The following ARFGEF2 variants were observed in gnomAD, a reference collection of about 807,000 sequenced individuals.
The protein encoded by ARFGEF2 is ARF guanine nucleotide exchange factor 2.
Under a neutral mutation model 219.9 loss-of-function variants are expected in ARFGEF2, and 74 were observed. The ratio of observed to expected loss-of-function variants is 0.34; its 90% CI spans 0.28 to 0.41. The LOEUF is 0.41. Among genes scored for constraint, ARFGEF2 ranks in the 10% least tolerant of loss-of-function variants. ARFGEF2 has a pLI of 1.00. For missense variants in ARFGEF2, 1,743 were observed against 2,218.3 expected (o/e 0.79, Z 4.30); for synonymous variants, 733 against 799.2 (o/e 0.92, Z 1.40).
intron 3 of ARFGEF2, among the ~76,000 whole-genome samples, chr20:48,942,371 C>T (rs958691542): frequency 6.6e-6 from 1 of 151,314 alleles, no homozygotes; most frequent in African/African-American, 2.4e-5. Flanking sequence ...GCTGGTCTTA[C>T]ACTTCTGGCC....
chr20:48,924,072 C>T (rs1247542620), intron 1 of ARFGEF2, among the ~76,000 whole-genome samples: 4 of 152,182 alleles, frequency 2.6e-5, no homozygotes, highest in African/African-American at 9.7e-5. Flanking sequence ...AAGTGACCAT[C>T]TTTTTTAAGA....
rs6095396 is a variant in ARFGEF2, at chr20:49,010,633, G to T, written c.3757+229G>T. On this transcript the variant is annotated intron_variant, in intron 27 of 38. Coordinates refer to ENST00000371917, the MANE Select transcript of ARFGEF2 (RefSeq NM_006420.3). ...TGGCCTTTCCTGTTATCAGTCAGTT[G>T]GGGTCCAGCAGATAAACGTGAATGT... 0.62 allele frequency among the ~76,000 whole-genome samples: 94,401 copies of T among 152,066 alleles called. 29,386 individuals carry two copies. Among genetic ancestry groups the T allele is most frequent in the East Asian group, 0.66 (3,426 of 5,178 alleles).
intron 6 of ARFGEF2, among the ~76,000 whole-genome samples, chr20:48,959,327 A>G (rs963535473): frequency 6.6e-6 from 1 of 151,362 alleles, no homozygotes; most frequent in Non-Finnish European, 1.5e-5. Context: ...CTGGAAAGGA[A>G]CTTGGAAATA....
At position 49,021,256 on chromosome 20, in the gene ARFGEF2, T is replaced by A. The variant is rs536391363; in HGVS notation, c.4625-1795T>A. Among the ~76,000 whole-genome samples the A allele has an allele frequency of 1.8e-3, 279 of 152,100 alleles. 1 individual carries two copies. Among genetic ancestry groups the A allele is most frequent in the African/African-American group, 6.4e-3 (266 of 41,508 alleles). On this transcript the variant is annotated intron_variant, in intron 34 of 38. Transcript: ENST00000371917. Reference sequence around the variant, plus strand: ...ATCTCTAAGAAGAAAAAAAAAATTTTTTTTTTAATGAAAAAAATGAAAAAA... The same window carrying A: ...ATCTCTAAGAAGAAAAAAAAAATTTATTTTTTAATGAAAAAAATGAAAAAA...
intron 36 of ARFGEF2, among the ~76,000 whole-genome samples, chr20:49,027,931 C>T (rs186333437): frequency 3.3e-5 from 5 of 152,142 alleles, no homozygotes; most frequent in East Asian, 1.9e-4. Flanking sequence ...AATTTGAAAC[C>T]GGCCAGGGCC....
chr20:48,932,786 A>T (rs2090921187), intron 1 of ARFGEF2, among the ~76,000 whole-genome samples: 1 of 152,200 alleles, frequency 6.6e-6, no homozygotes, highest in Non-Finnish European at 1.5e-5. Flanking sequence ...ATATAGGGAC[A>T]AGAGTCAGTG....
At chr20:48,951,940 CATT>C (rs1568700199) in intron 4 of ARFGEF2, among the ~76,000 whole-genome samples, 1 of 152,054 alleles carries the variant, frequency 6.6e-6, no homozygotes. Context: ...AAAGTATTAA[CATT>C]ATGAGGGGAG....
rs747309006 is a variant in ARFGEF2 at position 48,988,272 on chromosome 20, T to C, written c.2277-32T>C. ...TTGTACCTTCCAAACCGCATCACCA[T>C]GAATATTGATGTCTCGAATTTTTTT... On this transcript the variant is annotated intron_variant, in intron 16 of 38. Coordinates refer to ENST00000371917, the MANE Select transcript of ARFGEF2 (RefSeq NM_006420.3). 1.5e-5 allele frequency: 23 copies of C among 1,540,728 alleles called. 1 individual carries two copies. The South Asian group carries it at 2.0e-4, about 13-fold the overall frequency.
At chr20:48,930,513 T>C (rs574069487) in intron 1 of ARFGEF2, among the ~76,000 whole-genome samples, 5 of 152,244 alleles carry the variant, frequency 3.3e-5, no homozygotes, top group Admixed American at 2.6e-4. Context: ...AGTAAGAGCA[T>C]GGGAAAGAGG....
intron 14 of ARFGEF2, among the ~76,000 whole-genome samples, chr20:48,979,808 G>A (rs1264877381): frequency 6.6e-6 from 1 of 152,144 alleles, no homozygotes; most frequent in East Asian, 1.9e-4. Flanking sequence ...ATTTCTGTGG[G>A]ATCGGTGGTG....
chr20:49,005,363 G>A (rs887524822), intron 26 of ARFGEF2, 142 bp downstream of exon 26: 16 of 1,059,046 alleles, frequency 1.5e-5, no homozygotes, highest in African/African-American at 6.4e-5. Context: ...GATTCACATC[G>A]ATTTTCCTTA....
chr20:48,942,473 GTTTTTTTTTTTTT>G (rs58144046), intron 3 of ARFGEF2, among the ~76,000 whole-genome samples: 13 of 73,516 alleles, frequency 1.8e-4, no homozygotes, highest in Admixed American at 1.6e-3. Flanking sequence ...TTCTTACTTG[GTTTTTTTTTTTTT>G]TTTTTTTTTT....
chr20:48,934,390 G>A (rs1306453973), intron 1 of ARFGEF2, among the ~76,000 whole-genome samples: 1 of 152,070 alleles, frequency 6.6e-6, no homozygotes, highest in Non-Finnish European at 1.5e-5. Context: ...GAACAAGCAG[G>A]TTTGTTACAT....
chr20:48,999,756 A>AT (rs1405369625), intron 25 of ARFGEF2, among the ~76,000 whole-genome samples: 1 of 151,240 alleles, frequency 6.6e-6, no homozygotes, highest in African/African-American at 2.4e-5. Flanking sequence ...TAAAAAAAAA[A>AT]AAAAAAAAAA....
intron 14 of ARFGEF2, 53 bp from the exon 15 acceptor site, chr20:48,984,676 T>A: frequency 6.2e-7 from 1 of 1,608,690 alleles, no homozygotes; most frequent in South Asian, 1.1e-5. Context: ...CAGCTTTTGC[T>A]ATCCTCCAGA....
rs148157520 is a variant in ARFGEF2, at chr20:48,966,095, T to A, written c.1059+72T>A. 261 of 1,584,180 alleles carry A rather than the reference T, an allele frequency of 1.6e-4. No individual in the cohort carries two copies. In the African/African-American group the frequency reaches 3.2e-3, roughly 20 times the overall value. On this transcript the variant is annotated intron_variant, in intron 8 of 38. Coordinates refer to ENST00000371917, the MANE Select transcript of ARFGEF2 (RefSeq NM_006420.3). ...TTCAAAAGATGCAGAATTAAGTCTT[T>A]CCTCAAAAGAAGCAACTAAAATAAG...
At chr20:48,980,901 A>AAT (rs1406122543) in intron 14 of ARFGEF2, among the ~76,000 whole-genome samples, 1 of 152,086 alleles carries the variant, frequency 6.6e-6, no homozygotes, top group Admixed American at 6.5e-5. Flanking sequence ...GGGTCTCCTG[A>AAT]ATATAGCACA....
At chr20:48,974,670 C>A (rs1355190019) in intron 12 of ARFGEF2, 96 bp from the exon 13 acceptor site, 16 of 928,442 alleles carry the variant, frequency 1.7e-5, no homozygotes, top group Admixed American at 1.2e-4. Context: ...TCAGTGATTT[C>A]TTTCTTAGCC....
intron 25 of ARFGEF2, among the ~76,000 whole-genome samples, chr20:49,002,016 C>A (rs1392576710): frequency 6.6e-6 from 1 of 152,206 alleles, no homozygotes; most frequent in South Asian, 2.1e-4. Context: ...GAAGCTGAGG[C>A]AGGCAGATCA....
Sources: gnomAD v4.1 joint callset for allele counts (sites outside exome capture counted in the v4.1 genomes callset) on GRCh38, gnomAD v4.1.1 for gene constraint, MANE v1.5 for transcripts, NCBI Gene and HGNC (gene_info 2026-07-23, HGNC 2026-07-21) for gene names.